The following THSD4 variants were observed in gnomAD, a reference collection of about 807,000 sequenced individuals.
THSD4 encodes thrombospondin type 1 domain containing 4.
In THSD4, 69 loss-of-function variants were observed where a neutral mutation model predicts 119.0. The observed-to-expected ratio is 0.58, with a 90% CI of 0.48 to 0.71. The LOEUF is 0.71. Among genes scored for constraint, THSD4 ranks in the 30% least tolerant of loss-of-function variants. The pLI is 0.00. For missense variants in THSD4, 1,393 were observed against 1,391.1 expected (o/e 1.00, Z -0.02); for synonymous variants, 524 against 540.4 (o/e 0.97, Z 0.42).
chr15:71,455,559 A>G (rs2047327249), intron 7 of THSD4, among the ~76,000 whole-genome samples: 1 of 152,130 alleles, frequency 6.6e-6, no homozygotes, highest in Non-Finnish European at 1.5e-5. Flanking sequence ...ATATGCCATT[A>G]GACCCATCCC....
At chr15:71,435,305 C>G (rs972030953) in intron 7 of THSD4, among the ~76,000 whole-genome samples, 1 of 152,110 alleles carries the variant, frequency 6.6e-6, no homozygotes, top group Admixed American at 6.5e-5. Flanking sequence ...GCAAATTCCT[C>G]AAAGGCTCCA....
intron 7 of THSD4, among the ~76,000 whole-genome samples, chr15:71,494,662 C>G (rs2047982540): frequency 1.3e-5 from 2 of 151,652 alleles, no homozygotes; most frequent in African/African-American, 4.9e-5. Context: ...AGAAGGGTGG[C>G]TTTATAAACC....
chr15:71,694,421 T>C (rs2052120323), intron 8 of THSD4, among the ~76,000 whole-genome samples: 1 of 152,262 alleles, frequency 6.6e-6, no homozygotes, highest in Non-Finnish European at 1.5e-5. Flanking sequence ...GGTCAACATA[T>C]TTTCTTTTAA....
At chr15:71,675,984 G>T (rs917876870) in intron 8 of THSD4, among the ~76,000 whole-genome samples, 12 of 152,270 alleles carry the variant, frequency 7.9e-5, no homozygotes, top group African/African-American at 2.6e-4. Context: ...CCTCAAACTT[G>T]ATTACAATCA....
intron 5 of THSD4, among the ~76,000 whole-genome samples, chr15:71,254,222 C>T (rs2044289329): frequency 6.6e-6 from 1 of 152,174 alleles, no homozygotes; most frequent in Non-Finnish European, 1.5e-5. Flanking sequence ...GCCCGGCAGC[C>T]GATCTCTAGT....
intron 7 of THSD4, among the ~76,000 whole-genome samples, chr15:71,483,490 A>G (rs751529249): frequency 3.3e-5 from 5 of 152,188 alleles, no homozygotes; most frequent in Non-Finnish European, 5.9e-5. Context: ...GCGCTGTCTC[A>G]TGAGAAGAGC....
intron 7 of THSD4, among the ~76,000 whole-genome samples, chr15:71,534,884 C>T (rs769341014): frequency 3.3e-5 from 5 of 151,956 alleles, no homozygotes; most frequent in Non-Finnish European, 4.4e-5. Context: ...CACTTGAACC[C>T]GGGAGGCAGG....
chr15:71,534,489 A>G (rs1264746924), intron 7 of THSD4, among the ~76,000 whole-genome samples: 1 of 152,202 alleles, frequency 6.6e-6, no homozygotes, highest in Non-Finnish European at 1.5e-5. Flanking sequence ...CTGCCTATTC[A>G]TGGTCATTCC....
chr15:71,704,072 T>G (rs887080845), intron 8 of THSD4, among the ~76,000 whole-genome samples: 1 of 152,116 alleles, frequency 6.6e-6, no homozygotes, highest in Non-Finnish European at 1.5e-5. Context: ...ATGGTCTCAA[T>G]CTCCTGACCT....
intron 7 of THSD4, among the ~76,000 whole-genome samples, chr15:71,613,782 G>T (rs2050272658): frequency 6.6e-6 from 1 of 152,158 alleles, no homozygotes; most frequent in East Asian, 1.9e-4. Context: ...GTCCTGATTA[G>T]GTGGAAAATA....
intron 6 of THSD4, among the ~76,000 whole-genome samples, chr15:71,327,196 C>T (rs142831111): frequency 2.6e-5 from 4 of 152,176 alleles, no homozygotes; most frequent in East Asian, 3.9e-4. Flanking sequence ...AGCTCAAACA[C>T]TCCAATAGAC....
intron 8 of THSD4, among the ~76,000 whole-genome samples, chr15:71,667,499 A>G (rs2051439384): frequency 6.6e-6 from 1 of 152,232 alleles, no homozygotes; most frequent in South Asian, 2.1e-4. Flanking sequence ...TTAGACTTGG[A>G]AGGAATTTTT....
intron 3 of THSD4, among the ~76,000 whole-genome samples, chr15:71,174,353 T>C (rs2043420041): frequency 6.6e-6 from 1 of 151,516 alleles, no homozygotes. Flanking sequence ...GAGTTCCCTT[T>C]CCGAGTCAAA....
intron 6 of THSD4, among the ~76,000 whole-genome samples, chr15:71,371,776 G>A (rs1596375916): frequency 6.6e-6 from 1 of 152,142 alleles, no homozygotes; most frequent in Non-Finnish European, 1.5e-5. Context: ...CTCTTCTCGA[G>A]GAGTATCTTT....
At chr15:71,598,554 C>G (rs2049948683) in intron 7 of THSD4, among the ~76,000 whole-genome samples, 1 of 152,260 alleles carries the variant, frequency 6.6e-6, no homozygotes, top group African/African-American at 2.4e-5. Context: ...CTCTTTGTGC[C>G]CCACCCTGTG....
intron 7 of THSD4, among the ~76,000 whole-genome samples, chr15:71,460,627 G>A (rs941372364): frequency 6.6e-6 from 1 of 152,150 alleles, no homozygotes; most frequent in African/African-American, 2.4e-5. Flanking sequence ...TTTAGAATCT[G>A]GGTTTTGGCC....
At chr15:71,121,967 G>T (rs754602375) in intron 1 of THSD4, among the ~76,000 whole-genome samples, 34 of 152,262 alleles carry the variant, frequency 2.2e-4, no homozygotes, top group Middle Eastern at 6.8e-3. Flanking sequence ...AATCATGTAG[G>T]GGAGTTTATT....
intron 7 of THSD4, among the ~76,000 whole-genome samples, chr15:71,479,606 G>A (rs1290167132): frequency 2.0e-5 from 3 of 152,142 alleles, no homozygotes; most frequent in African/African-American, 7.2e-5. Flanking sequence ...CAAATTTGGG[G>A]AAGAAACAGG....
At chr15:71,472,825 T>C (rs1434340841) in intron 7 of THSD4, among the ~76,000 whole-genome samples, 2 of 152,160 alleles carry the variant, frequency 1.3e-5, no homozygotes, top group African/African-American at 2.4e-5. Flanking sequence ...AAACTTTGCA[T>C]TGTAAATTTA....
Sources: gnomAD v4.1 joint callset for allele counts (sites outside exome capture counted in the v4.1 genomes callset) on GRCh38, gnomAD v4.1.1 for gene constraint, MANE v1.5 for transcripts, NCBI Gene and HGNC (gene_info 2026-07-23, HGNC 2026-07-21) for gene names.